The following RAB38 variants were observed in gnomAD, a reference collection of about 807,000 sequenced individuals.
RAB38 encodes the protein RAB38, member RAS oncogene family, also known as ras-related protein Rab-38.
RAB38 carries 15 observed loss-of-function variants against 18.4 expected under a neutral mutation model. The observed-to-expected ratio is 0.82, with a 90% confidence interval of 0.55 to 1.26. The LOEUF (loss-of-function observed/expected upper bound fraction) is 1.26. Among genes scored for constraint, RAB38 ranks in the 50% most tolerant of loss-of-function variants. RAB38 has a pLI of 0.00. For missense variants in RAB38, 294 were observed against 267.4 expected (o/e 1.10, Z -0.69); for synonymous variants, 101 against 104.4 (o/e 0.97, Z 0.20).
chr11:88,028,325 T>C, the RAB38 span, among the ~76,000 whole-genome samples: 2 of 152,016 alleles, frequency 1.3e-5, no homozygotes, highest in African/African-American at 4.8e-5. Flanking sequence ...AGAGCGCCTC[T>C]CCTCCTCCAA....
chr11:87,932,295 T>TA, the RAB38 span, among the ~76,000 whole-genome samples: 5 of 151,764 alleles, frequency 3.3e-5, no homozygotes, highest in African/African-American at 4.8e-5. Context: ...GTAAAATTTT[T>TA]AAAAAAAGAG....
At chr11:88,034,275 G>T in the RAB38 span, among the ~76,000 whole-genome samples, 32 of 152,206 alleles carry the variant, frequency 2.1e-4, no homozygotes, top group African/African-American at 7.0e-4. Flanking sequence ...TTTGCAGTTT[G>T]TTTACAGTTT....
the RAB38 span, among the ~76,000 whole-genome samples, chr11:88,066,802 C>G: frequency 6.6e-6 from 1 of 152,128 alleles, no homozygotes; most frequent in Admixed American, 6.5e-5. Context: ...GTATAGTTTA[C>G]CAACAGCGAA....
At chr11:88,141,895 A>AT (rs1462037549) in intron 2 of RAB38, among the ~76,000 whole-genome samples, 1 of 152,166 alleles carries the variant, frequency 6.6e-6, no homozygotes, top group Non-Finnish European at 1.5e-5. Flanking sequence ...CTCATACATC[A>AT]TATGGCCTCT....
the RAB38 span, among the ~76,000 whole-genome samples, chr11:87,977,670 TTATG>T: frequency 8.5e-6 from 1 of 117,744 alleles, no homozygotes; most frequent in Non-Finnish European, 1.6e-5. Context: ...TAACTATATA[TTATG>T]TAATATATGT....
the RAB38 span, among the ~76,000 whole-genome samples, chr11:87,950,218 T>C: frequency 6.6e-6 from 1 of 152,162 alleles, no homozygotes; most frequent in African/African-American, 2.4e-5. Context: ...ACCCCTGCCT[T>C]TTTTTATTTT....
chr11:87,811,831 G>A, the RAB38 span, among the ~76,000 whole-genome samples: 5 of 152,232 alleles, frequency 3.3e-5, no homozygotes, highest in Admixed American at 1.3e-4. Flanking sequence ...TTATAAAAAT[G>A]TAAGAAATTT....
At chr11:88,118,093 C>T (rs371951237) in intron 2 of RAB38, among the ~76,000 whole-genome samples, 19 of 152,244 alleles carry the variant, frequency 1.2e-4, no homozygotes, top group Admixed American at 2.6e-4. Flanking sequence ...AAAGGCAAGA[C>T]GTATACTGTT....
chr11:88,029,193 A>G, the RAB38 span, among the ~76,000 whole-genome samples: 1 of 152,108 alleles, frequency 6.6e-6, no homozygotes, highest in South Asian at 2.1e-4. Context: ...AGATTTTGTC[A>G]CCACCAGGCC....
At chr11:87,923,092 T>C in the RAB38 span, among the ~76,000 whole-genome samples, 1 of 151,998 alleles carries the variant, frequency 6.6e-6, no homozygotes, top group Non-Finnish European at 1.5e-5. Flanking sequence ...TTAATCATGG[T>C]AGCTGTTCTG....
the RAB38 span, among the ~76,000 whole-genome samples, chr11:88,073,639 C>A: frequency 6.6e-6 from 1 of 151,706 alleles, no homozygotes; most frequent in East Asian, 1.9e-4. Context: ...CCACAAGAAA[C>A]AACAGCAAGC....
chr11:88,084,642 C>T, the RAB38 span, among the ~76,000 whole-genome samples: 730 of 151,856 alleles, frequency 4.8e-3, 4 homozygotes, highest in African/African-American at 0.017. Flanking sequence ...TTTTTGGATC[C>T]TTCTCTGACT....
chr11:88,170,875 G>A (rs1827449761), intron 1 of RAB38, among the ~76,000 whole-genome samples: 1 of 152,110 alleles, frequency 6.6e-6, no homozygotes, highest in Non-Finnish European at 1.5e-5. Flanking sequence ...ACTGGATTGG[G>A]TTTTTTTATT....
the RAB38 span, among the ~76,000 whole-genome samples, chr11:87,937,237 AT>A: frequency 1.4e-5 from 2 of 146,950 alleles, no homozygotes; most frequent in African/African-American, 5.0e-5. Context: ...TAGCTTATTA[AT>A]ATGGTAATTG....
At chr11:87,832,032 A>G in the RAB38 span, among the ~76,000 whole-genome samples, 1 of 152,210 alleles carries the variant, frequency 6.6e-6, no homozygotes, top group Non-Finnish European at 1.5e-5. Context: ...GTTATATATG[A>G]CATCTGACAT....
At chr11:88,004,143 A>T in the RAB38 span, among the ~76,000 whole-genome samples, 1 of 149,126 alleles carries the variant, frequency 6.7e-6, no homozygotes, top group South Asian at 2.1e-4. Flanking sequence ...TACTGATAAA[A>T]TATTACTTAT....
chr11:87,893,095 G>C, the RAB38 span, among the ~76,000 whole-genome samples: 1 of 151,392 alleles, frequency 6.6e-6, no homozygotes, highest in African/African-American at 2.4e-5. Flanking sequence ...GATGTTGATG[G>C]TAATATTAGG....
the RAB38 span, among the ~76,000 whole-genome samples, chr11:87,972,814 C>G: frequency 6.6e-6 from 1 of 151,822 alleles, no homozygotes; most frequent in Non-Finnish European, 1.5e-5. Flanking sequence ...GACTTGTGTC[C>G]CCACTCAAAC....
At chr11:88,127,997 T>C (rs1209907372) in intron 2 of RAB38, among the ~76,000 whole-genome samples, 2 of 152,240 alleles carry the variant, frequency 1.3e-5, no homozygotes, top group African/African-American at 4.8e-5. Context: ...ATGTAATTTA[T>C]GAATGAACTG....
Sources: allele counts gnomAD v4.1 joint callset (sites outside exome capture counted in the v4.1 genomes callset), GRCh38; gene constraint gnomAD v4.1.1; transcripts MANE v1.5; gene names NCBI Gene and HGNC (gene_info 2026-07-23, HGNC 2026-07-21).